The following ALCAM variants were observed in gnomAD, a reference collection of about 807,000 sequenced individuals.
ALCAM encodes the protein CD166 antigen.
In ALCAM, 30 loss-of-function variants were observed where a neutral mutation model predicts 70.9. The ratio of observed to expected loss-of-function variants is 0.42; its 90% CI spans 0.32 to 0.57. ALCAM has a LOEUF of 0.57. ALCAM is among the 20% of genes least tolerant of loss of function. The pLI, the probability that ALCAM is intolerant of heterozygous loss-of-function variation, is 0.11. For missense variants in ALCAM, 591 were observed against 695.1 expected (o/e 0.85, Z 1.68); for synonymous variants, 249 against 242.5 (o/e 1.03, Z -0.25).
intron 1 of ALCAM, among the ~76,000 whole-genome samples, chr3:105,392,456 C>G (rs1211165619): frequency 2.7e-5 from 4 of 150,780 alleles, no homozygotes; most frequent in African/African-American, 4.9e-5. Context: ...TTTGATTGTT[C>G]TCTCTTTTTT....
intron 1 of ALCAM, among the ~76,000 whole-genome samples, chr3:105,464,797 C>A (rs1445673021): frequency 6.6e-6 from 1 of 151,210 alleles, no homozygotes; most frequent in African/African-American, 2.4e-5. Context: ...TGCATGCCAT[C>A]CTTGAAGAAT....
At chr3:105,394,131 G>T (rs142426857) in intron 1 of ALCAM, among the ~76,000 whole-genome samples, 15 of 152,014 alleles carry the variant, frequency 9.9e-5, no homozygotes, top group Non-Finnish European at 2.2e-4. Context: ...TATGGTAACA[G>T]CCTGTAAGCC....
intron 1 of ALCAM, among the ~76,000 whole-genome samples, chr3:105,457,800 CAA>C (rs1297654436): frequency 6.6e-6 from 1 of 152,094 alleles, no homozygotes; most frequent in East Asian, 1.9e-4. Context: ...TGACACTGAG[CAA>C]AACTTCCCAG....
At chr3:105,378,972 G>C (rs1935446112) in intron 1 of ALCAM, among the ~76,000 whole-genome samples, 1 of 151,958 alleles carries the variant, frequency 6.6e-6, no homozygotes, top group Non-Finnish European at 1.5e-5. Flanking sequence ...TGATCTTCAT[G>C]AACTGTCTAT....
At chr3:105,438,308 C>T (rs1172689695) in intron 1 of ALCAM, among the ~76,000 whole-genome samples, 9 of 152,000 alleles carry the variant, frequency 5.9e-5, no homozygotes, top group Middle Eastern at 3.2e-3. Context: ...CCCCATATTG[C>T]TGACATAATC....
rs1178142402 is a variant in ALCAM at position 105,398,638 on chromosome 3, G to A, written c.73+31157G>A. ...TGCCAGCTGGAATGACTACACTTGTGTTTATTGTATAAATTATTTCCTTAG... is the reference window on the plus strand; with the variant it reads ...TGCCAGCTGGAATGACTACACTTGTATTTATTGTATAAATTATTTCCTTAG... On this transcript the variant is annotated intron_variant, in intron 1 of 15. Coordinates refer to ENST00000306107, the MANE Select transcript of ALCAM (RefSeq NM_001627.4). 2.0e-5 allele frequency among the ~76,000 whole-genome samples: 3 copies of A among 152,162 alleles called. No individual in the cohort carries two copies. The East Asian group carries it at 5.8e-4, about 29-fold the overall frequency.
At chr3:105,497,639 C>A (rs1222675365) in intron 1 of ALCAM, among the ~76,000 whole-genome samples, 1 of 152,136 alleles carries the variant, frequency 6.6e-6, no homozygotes, top group African/African-American at 2.4e-5. Context: ...TAAGTGCATT[C>A]ATACGTGGAA....
In ALCAM at chr3:105,447,855, AT is replaced by A. The variant is rs544491618; in HGVS notation, c.74-72211del. On this transcript the variant is annotated intron_variant, in intron 1 of 15. Coordinates refer to ENST00000306107, the MANE Select transcript of ALCAM (RefSeq NM_001627.4). ...AATGAGGCTCACGACATTATTATCA[AT>A]AAACACATAAAGAAAATAAAAGGCT... 2.3e-4 allele frequency among the ~76,000 whole-genome samples: 35 copies of A among 152,354 alleles called. 3 individuals are homozygous for A. In the South Asian group the frequency reaches 7.0e-3, roughly 31 times the overall value.
Position 105,550,221 on chromosome 3 carries a change from A to C in ALCAM, c.1469A>C (p.Gln490Pro). ...ACATTAACTTGCACAGCAGAAAACC[A>C]ACTGGAGAGAACAGTAAACTCCTTG... Reference protein sequence around the residue: ...NVTLTCTAENQLERTVNSLNV... With the variant: ...NVTLTCTAENPLERTVNSLNV... The change falls in exon 12 of 16, where the codon CAA becomes CCA. Residue 490 changes from glutamine (Q) to proline (P), a missense_variant. Coordinates refer to ENST00000306107, the MANE Select transcript of ALCAM (RefSeq NM_001627.4). The C allele has an allele frequency of 6.2e-7, 1 of 1,608,640 alleles. No homozygotes were observed.
intron 1 of ALCAM, among the ~76,000 whole-genome samples, chr3:105,424,476 A>T (rs1271117352): frequency 6.6e-6 from 1 of 151,738 alleles, no homozygotes; most frequent in Non-Finnish European, 1.5e-5. Context: ...TTGGTGTTGA[A>T]ATCAGAATGT....
At chr3:105,429,675 A>G (rs909062615) in intron 1 of ALCAM, among the ~76,000 whole-genome samples, 8 of 152,124 alleles carry the variant, frequency 5.3e-5, no homozygotes, top group African/African-American at 1.9e-4. Flanking sequence ...AGAAAATGTA[A>G]TGAACACCAA....
intron 1 of ALCAM, among the ~76,000 whole-genome samples, chr3:105,399,474 AGTT>A (rs1196025293): frequency 2.6e-5 from 4 of 152,164 alleles, no homozygotes; most frequent in Non-Finnish European, 5.9e-5. Flanking sequence ...AATTCAGAGT[AGTT>A]AAGAGGGAAT....
At chr3:105,534,200 C>A (rs1939912816) in intron 5 of ALCAM, among the ~76,000 whole-genome samples, 1 of 152,100 alleles carries the variant, frequency 6.6e-6, no homozygotes, top group South Asian at 2.1e-4. Context: ...AAAGAAGCTT[C>A]TTGTGGTTGC....
At chr3:105,528,863 G>T (rs1939770705) in intron 3 of ALCAM, among the ~76,000 whole-genome samples, 1 of 152,140 alleles carries the variant, frequency 6.6e-6, no homozygotes. Context: ...ACCTGCATTT[G>T]TACCCCTGAG....
intron 6 of ALCAM, among the ~76,000 whole-genome samples, chr3:105,539,078 T>C (rs1039733571): frequency 6.6e-6 from 1 of 152,136 alleles, no homozygotes; most frequent in Non-Finnish European, 1.5e-5. Context: ...TGGAAATATA[T>C]ACACATGCCT....
At chr3:105,398,908 C>A (rs1229602798) in intron 1 of ALCAM, among the ~76,000 whole-genome samples, 2 of 149,880 alleles carry the variant, frequency 1.3e-5, no homozygotes, top group African/African-American at 4.9e-5. Context: ...TTTTTTTTTC[C>A]TTTTCTTCCT....
At chr3:105,516,775 C>G (rs1228467846) in intron 1 of ALCAM, among the ~76,000 whole-genome samples, 1 of 152,076 alleles carries the variant, frequency 6.6e-6, no homozygotes, top group African/African-American at 2.4e-5. Context: ...AGCCATAACA[C>G]ATACAGAACA....
chr3:105,435,240 G>T (rs1937024791), intron 1 of ALCAM, among the ~76,000 whole-genome samples: 3 of 152,172 alleles, frequency 2.0e-5, no homozygotes, highest in Non-Finnish European at 4.4e-5. Context: ...TATAACTGAT[G>T]TCATACCTAT....
intron 1 of ALCAM, among the ~76,000 whole-genome samples, chr3:105,426,443 A>T (rs1330563329): frequency 6.6e-6 from 1 of 151,968 alleles, no homozygotes; most frequent in Non-Finnish European, 1.5e-5. Flanking sequence ...TTTTGTAATG[A>T]TCAAATCAGG....
Sources: allele counts gnomAD v4.1 joint callset (sites outside exome capture counted in the v4.1 genomes callset), GRCh38; gene constraint gnomAD v4.1.1; transcripts MANE v1.5; gene names NCBI Gene and HGNC (gene_info 2026-07-23, HGNC 2026-07-21).